The following MTDH variants were observed in gnomAD, a reference collection of about 807,000 sequenced individuals.
MTDH encodes the protein metadherin.
Under a neutral mutation model 72.7 loss-of-function variants are expected in MTDH, and 34 were observed. The observed-to-expected ratio is 0.47, with a 90% CI of 0.36 to 0.62. MTDH has a LOEUF of 0.62. Ranked by LOEUF, MTDH falls within the 20% of genes least tolerant of loss-of-function variation. MTDH has a pLI of 0.00. For synonymous variants in MTDH, 266 were observed against 268.9 expected (o/e 0.99, Z 0.10); for missense variants, 677 against 699.4 (o/e 0.97, Z 0.36).
At position 97,644,430 on chromosome 8, in the gene MTDH, T is replaced by G; in HGVS notation, c.-77T>G. ...GCCTGAGGTTACCCGGCCCGGCCCT[T>G]CCTCGCTTCCCTCGACTATTCCACT... is the stretch of plus-strand genomic sequence containing the variant. On this transcript the variant is annotated 5_prime_UTR_variant, in exon 1 of 12. Coordinates refer to ENST00000336273, the MANE Select transcript of MTDH (RefSeq NM_178812.4). The G allele has an allele frequency of 6.7e-7, 1 of 1,491,006 alleles. No homozygotes were observed. Among genetic ancestry groups the G allele is most frequent in the Non-Finnish European group, 8.9e-7 (1 of 1,128,708 alleles). The allele number at this position is 1,491,006 out of a possible 1,614,324, so 92.4% of individuals were successfully genotyped here.
intron 4 of MTDH, among the ~76,000 whole-genome samples, chr8:97,687,888 T>G (rs1245310929): frequency 6.6e-6 from 1 of 152,224 alleles, no homozygotes; most frequent in Non-Finnish European, 1.5e-5. Flanking sequence ...TGCGTATCAC[T>G]TTGCCCCAAC....
intron 2 of MTDH, among the ~76,000 whole-genome samples, chr8:97,680,757 C>T (rs931788380): frequency 3.3e-5 from 5 of 152,106 alleles, no homozygotes; most frequent in Non-Finnish European, 5.9e-5. Context: ...GGTTAAAGGT[C>T]GTTAGTTTCA....
chr8:97,679,467 C>T (rs1812983713), intron 2 of MTDH, among the ~76,000 whole-genome samples: 1 of 152,078 alleles, frequency 6.6e-6, no homozygotes, highest in Non-Finnish European at 1.5e-5. Context: ...TTCACAAAAA[C>T]TTTTGCATAG....
chr8:97,710,473 C>T (rs140505738), intron 8 of MTDH, among the ~76,000 whole-genome samples: 4,761 of 150,248 alleles, frequency 0.032, 274 homozygotes, highest in African/African-American at 0.11. Flanking sequence ...GCGGATCACC[C>T]GAGGTCGGGA....
intron 7 of MTDH, among the ~76,000 whole-genome samples, chr8:97,703,455 C>T (rs578144127): frequency 6.6e-6 from 1 of 152,324 alleles, no homozygotes; most frequent in Non-Finnish European, 1.5e-5. Flanking sequence ...TGGTATATTG[C>T]CCACTCAATT....
At chr8:97,711,230 G>T (rs1402879579) in intron 8 of MTDH, among the ~76,000 whole-genome samples, 1 of 151,786 alleles carries the variant, frequency 6.6e-6, no homozygotes, top group East Asian at 1.9e-4. Flanking sequence ...AGGCACGGTG[G>T]CTCACGCCTG....
At chr8:97,706,774 G>A (rs770733750) in intron 8 of MTDH, 24 bp downstream of exon 8, 4 of 1,602,878 alleles carry the variant, frequency 2.5e-6, no homozygotes, top group South Asian at 1.1e-5. Flanking sequence ...ATTCCTGGGT[G>A]TTTATTTGTT....
intron 7 of MTDH, among the ~76,000 whole-genome samples, chr8:97,700,592 A>G (rs907864925): frequency 1.3e-5 from 2 of 152,068 alleles, no homozygotes; most frequent in Admixed American, 6.6e-5. Context: ...GTTCGGTGGT[A>G]ATAATAATGA....
intron 2 of MTDH, among the ~76,000 whole-genome samples, chr8:97,670,953 T>G (rs1489700735): frequency 7.6e-5 from 4 of 52,788 alleles, no homozygotes; most frequent in African/African-American, 2.9e-4. Context: ...GTTGTTGTTG[T>G]TTTTTTTTTT....
intron 8 of MTDH, among the ~76,000 whole-genome samples, chr8:97,710,739 C>T (rs1814597016): frequency 6.9e-6 from 1 of 144,754 alleles, no homozygotes; most frequent in African/African-American, 2.6e-5. Context: ...GTGGTTCACG[C>T]CTGTAATCCC....
chr8:97,701,082 T>A (rs1788345972), intron 7 of MTDH, among the ~76,000 whole-genome samples: 2 of 152,166 alleles, frequency 1.3e-5, no homozygotes, highest in Non-Finnish European at 2.9e-5. Flanking sequence ...CCTCATATGG[T>A]TAGGGCTTTG....
chr8:97,672,159 ATAAAGTTT>A (rs1812650781), intron 2 of MTDH, among the ~76,000 whole-genome samples: 1 of 152,210 alleles, frequency 6.6e-6, no homozygotes, highest in Admixed American at 6.5e-5. Context: ...TGTTTTGTAA[ATAAAGTTT>A]TATGGAAACA....
At chr8:97,707,896 G>A (rs1330030328) in intron 8 of MTDH, among the ~76,000 whole-genome samples, 1 of 148,802 alleles carries the variant, frequency 6.7e-6, no homozygotes, top group East Asian at 2.0e-4. Flanking sequence ...TGAGAGGGAA[G>A]ATTTGACTGA....
At position 97,719,068 on chromosome 8, in the gene MTDH, AAG is replaced by A; in HGVS notation, c.1404_1405del (p.Glu468AspfsTer2). The A allele has an allele frequency of 6.2e-7, 1 of 1,606,266 alleles. No individual in the cohort carries two copies. The highest frequency in any genetic ancestry group is 8.5e-7 in the Non-Finnish European group (1 of 1,177,174). ...CTATAGGACACAGAAGAATTAGAAAAAGAGATTAGAGAAGACCTTCCAGTGAA... is the reference window on the plus strand; with the variant it reads ...CTATAGGACACAGAAGAATTAGAAAAAGATTAGAGAAGACCTTCCAGTGAA... On this transcript the variant is annotated frameshift_variant, in exon 10 of 12. Coordinates refer to ENST00000336273, the MANE Select transcript of MTDH (RefSeq NM_178812.4). LOFTEE classifies it high-confidence loss of function.
chr8:97,694,816 G>C (rs1031863229), intron 6 of MTDH, among the ~76,000 whole-genome samples: 1 of 151,942 alleles, frequency 6.6e-6, no homozygotes, highest in African/African-American at 2.4e-5. Flanking sequence ...CCAGCTACTC[G>C]GGAGGCCGAG....
chr8:97,709,119 G>A (rs1054648946), intron 8 of MTDH, among the ~76,000 whole-genome samples: 7 of 151,632 alleles, frequency 4.6e-5, no homozygotes, highest in Non-Finnish European at 7.4e-5. Flanking sequence ...GCTTGAACCC[G>A]GGAGGCAGAG....
intron 10 of MTDH, among the ~76,000 whole-genome samples, chr8:97,719,408 G>A (rs1006131149): frequency 2.0e-5 from 3 of 148,446 alleles, no homozygotes; most frequent in Non-Finnish European, 4.4e-5. Flanking sequence ...CAGGAGAATC[G>A]CTTGAACCTG....
intron 3 of MTDH, 27 bp downstream of exon 3, chr8:97,686,779 G>GA: frequency 6.6e-7 from 1 of 1,509,326 alleles, no homozygotes; most frequent in Non-Finnish European, 8.9e-7. Context: ...AAGGACTGTA[G>GA]AAAATTTTTT....
chr8:97,644,519 A>C lies in MTDH; in HGVS notation c.13A>C (p.Ser5Arg). Reference protein sequence around the residue: MAARSWQDELAQQAE... With the variant: MAARRWQDELAQQAE... ...GACGGGAGGGAAGATGGCTGCACGG[A>C]GCTGGCAGGACGAGCTGGCCCAGCA... is the stretch of plus-strand genomic sequence containing the variant. The change falls in exon 1 of 12, where the codon AGC becomes CGC. Residue 5 changes from serine to arginine, a missense_variant. Ser to Arg is a moderately radical substitution (Grantham distance 110). This residue lies in a region of MTDH where 467 missense variants were observed against 469.1 expected (regional missense o/e 1.00). Transcript: ENST00000336273. 6.3e-7 allele frequency: 1 copy of C among 1,588,406 alleles called. No homozygotes were observed. Among genetic ancestry groups the C allele is most frequent in the South Asian group, 1.1e-5 (1 of 88,496 alleles).
Sources: allele counts gnomAD v4.1 joint callset (sites outside exome capture counted in the v4.1 genomes callset), GRCh38; gene constraint gnomAD v4.1.1; regional missense constraint gnomAD v4.1.1; transcripts MANE v1.5; gene names NCBI Gene and HGNC (gene_info 2026-07-23, HGNC 2026-07-21).